Variants in PEAK1 observed in about 807,000 individuals in gnomAD.
PEAK1 encodes the protein inactive tyrosine-protein kinase PEAK1.
PEAK1 carries 54 observed loss-of-function variants against 124.7 expected under a neutral mutation model. The ratio of observed to expected loss-of-function variants is 0.43; its 90% confidence interval spans 0.35 to 0.54. The LOEUF (loss-of-function observed/expected upper bound fraction) is 0.54, where lower values mean the gene tolerates loss of function less well. PEAK1 is among the 20% of genes least tolerant of loss of function. The probability of loss-of-function intolerance (pLI) is 0.01; values close to 1 mark genes in which losing one functional copy is unlikely to be tolerated. For missense variants in PEAK1, 2,046 were observed against 2,134.5 expected, an observed-to-expected ratio of 0.96 and a Z score of 0.82; for synonymous variants, 719 against 760.0, an observed-to-expected ratio of 0.95 and a Z score of 0.89.
chr15:77,342,070 T>C (rs1213726910), intron 2 of PEAK1, among the ~76,000 whole-genome samples: 1 of 151,594 alleles, frequency 6.6e-6, no homozygotes, highest in Non-Finnish European at 1.5e-5. Flanking sequence ...AATCTTTATA[T>C]CTCCTTAGCC....
chr15:77,297,739 C>CA (rs1472293292), intron 2 of PEAK1, among the ~76,000 whole-genome samples: 7 of 108,276 alleles, frequency 6.5e-5, no homozygotes, highest in African/African-American at 1.6e-4. Flanking sequence ...AGCCTGGCAA[C>CA]AGAGTGAGAT....
intron 2 of PEAK1, chr15:77,348,293 G>A (rs2066996639): frequency 1.1e-6 from 1 of 892,110 alleles, no homozygotes; most frequent in South Asian, 5.2e-5. Flanking sequence ...TTCCTCATCA[G>A]TAAAATGAGT....
intron 2 of PEAK1, among the ~76,000 whole-genome samples, chr15:77,325,362 C>T (rs1311027867): frequency 1.3e-5 from 2 of 151,750 alleles, no homozygotes; most frequent in South Asian, 2.1e-4. Context: ...GAGCTTTGAT[C>T]GTGCCATTGC....
intron 8 of PEAK1, among the ~76,000 whole-genome samples, chr15:77,150,961 C>T (rs930076700): frequency 2.0e-5 from 3 of 151,884 alleles, no homozygotes; most frequent in Admixed American, 6.6e-5. Context: ...TGAATAATGC[C>T]GCAATAAACA....
chr15:77,297,971 T>C (rs1055839636), intron 2 of PEAK1, among the ~76,000 whole-genome samples: 7 of 133,644 alleles, frequency 5.2e-5, no homozygotes, highest in African/African-American at 2.0e-4. Context: ...GGCAGGAGAA[T>C]GGCGTGAAGC....
chr15:77,397,550 A>C (rs1371832445), intron 1 of PEAK1, among the ~76,000 whole-genome samples: 1 of 152,076 alleles, frequency 6.6e-6, no homozygotes, highest in Non-Finnish European at 1.5e-5. Context: ...TAGGAGACTA[A>C]GAAAAAAAGA....
At chr15:77,188,711 G>A (rs1402711795) in intron 6 of PEAK1, among the ~76,000 whole-genome samples, 1 of 152,014 alleles carries the variant, frequency 6.6e-6, no homozygotes, top group Non-Finnish European at 1.5e-5. Context: ...CCTCTGTGAT[G>A]AAGTTTTGCC....
intron 6 of PEAK1, among the ~76,000 whole-genome samples, chr15:77,225,634 T>C (rs1376095701): frequency 8.2e-6 from 1 of 121,340 alleles, no homozygotes. Context: ...TACAGATGTG[T>C]GTGTGTGTGT....
chr15:77,318,123 T>C (rs997176714), intron 2 of PEAK1, among the ~76,000 whole-genome samples: 1 of 151,710 alleles, frequency 6.6e-6, no homozygotes, highest in South Asian at 2.1e-4. Context: ...ACTATTTTGA[T>C]AGTTAGACAA....
intron 7 of PEAK1, among the ~76,000 whole-genome samples, chr15:77,174,630 G>C (rs1394223374): frequency 6.6e-6 from 1 of 152,114 alleles, no homozygotes. Flanking sequence ...GGGACATTAT[G>C]AAATGTGAAA....
intron 2 of PEAK1, chr15:77,353,005 T>TG: frequency 1.0e-6 from 1 of 985,232 alleles, no homozygotes; most frequent in African/African-American, 1.7e-5. Flanking sequence ...TAAAACACTC[T>TG]GGCAAGCATC....
intron 2 of PEAK1, among the ~76,000 whole-genome samples, chr15:77,338,645 ATAT>A (rs1278795759): frequency 0.021 from 2,439 of 113,508 alleles, 55 homozygotes; most frequent in African/African-American, 0.063. Flanking sequence ...AAAAAAAAAA[ATAT>A]ATATATATAT....
intron 6 of PEAK1, among the ~76,000 whole-genome samples, chr15:77,226,077 A>T (rs921655701): frequency 1.0e-4 from 14 of 137,506 alleles, no homozygotes; most frequent in African/African-American, 3.0e-4. Context: ...ATATATATAT[A>T]TATATATATA....
intron 6 of PEAK1, among the ~76,000 whole-genome samples, chr15:77,237,417 CCTG>C (rs1476069084): frequency 2.0e-5 from 3 of 148,740 alleles, no homozygotes; most frequent in Non-Finnish European, 4.5e-5. Flanking sequence ...TTATTTTATT[CCTG>C]CTATTTAAAC....
intron 6 of PEAK1, among the ~76,000 whole-genome samples, chr15:77,214,460 C>CA (rs780048671): frequency 0.029 from 3,800 of 130,420 alleles, 139 homozygotes; most frequent in African/African-American, 0.089. Flanking sequence ...ACTAAAAATA[C>CA]AAAAAAAAAA....
chr15:77,148,878 C>T lies in PEAK1; in HGVS notation c.3331+9625G>A, dbSNP rs981097698. Among the ~76,000 whole-genome samples, 8 of 152,200 alleles carry T rather than the reference C, an allele frequency of 5.3e-5. No individual in the cohort carries two copies. In the East Asian group the frequency reaches 5.8e-4, roughly 11 times the overall value. On this transcript the variant is annotated intron_variant, in intron 8 of 9. Transcript: ENST00000682557. ...TTGAGGCTGCAGTGAGCTATGATAG[C>T]GCCACTGCACTCCAGCATGGGCGAT... is the stretch of plus-strand genomic sequence containing the variant.
chr15:77,178,637 T>G (rs1221385429), intron 7 of PEAK1, 153 bp downstream of exon 7: 9 of 770,842 alleles, frequency 1.2e-5, no homozygotes, highest in Non-Finnish European at 1.8e-5. Context: ...AATACTATTC[T>G]AATCTTGGAA....
intron 9 of PEAK1, among the ~76,000 whole-genome samples, chr15:77,120,320 T>C (rs1177936936): frequency 1.3e-5 from 2 of 152,220 alleles, no homozygotes; most frequent in African/African-American, 2.4e-5. Context: ...GGCTCATCTA[T>C]ACAATGACCT....
At chr15:77,337,704 C>T (rs755923851) in intron 2 of PEAK1, 165 of 985,048 alleles carry the variant, frequency 1.7e-4, no homozygotes, top group Non-Finnish European at 2.0e-4. Context: ...TGTCAGTAAC[C>T]CTTTATTATT....
Sources: gnomAD v4.1 joint callset for allele counts (sites outside exome capture counted in the v4.1 genomes callset) on GRCh38, gnomAD v4.1.1 for gene constraint, MANE v1.5 for transcripts, NCBI Gene and HGNC (gene_info 2026-07-23, HGNC 2026-07-21) for gene names.